The following CRYBB1 variants were observed in gnomAD, a reference collection of about 807,000 sequenced individuals.
The protein encoded by CRYBB1 is beta-crystallin B1.
In CRYBB1, 16 loss-of-function variants were observed where a neutral mutation model predicts 29.5. The observed-to-expected ratio is 0.54, with a 90% confidence interval of 0.37 to 0.82. The LOEUF (loss-of-function observed/expected upper bound fraction) is 0.82, where lower values mean the gene tolerates loss of function less well. Ranked by LOEUF, CRYBB1 falls within the 40% of genes least tolerant of loss-of-function variation. The pLI, the probability that CRYBB1 is intolerant of heterozygous loss-of-function variation, is 0.00. For synonymous variants in CRYBB1, 127 were observed against 136.7 expected, an observed-to-expected ratio of 0.93 and a Z score of 0.49; for missense variants, 300 against 350.5, an observed-to-expected ratio of 0.86 and a Z score of 1.15.
At chr22:26,602,125 C>G in intron 4 of CRYBB1, 104 bp from the exon 5 acceptor site, 1 of 1,457,768 alleles carries the variant, frequency 6.9e-7, no homozygotes, top group South Asian at 1.2e-5. Context: ...TGAGCCTGTT[C>G]AGGCTGCTGG....
Position 26,612,076 on chromosome 22 carries a change from C to T in CRYBB1, c.295G>A (p.Gly99Arg). The T allele has an allele frequency of 6.2e-7, 1 of 1,611,286 alleles. No individual in the cohort carries two copies. The highest frequency in any genetic ancestry group is 1.1e-5 in the South Asian group (1 of 91,002). The change falls in exon 3 of 6, where the codon GGA becomes AGA. Residue 99 changes from glycine to arginine, a missense_variant. Transcript: ENST00000647684. The stretch of plus-strand genomic sequence containing the variant: ...CCTCCGCCGCCCAGTACTCACGGTC[C>T]CGCGGAGACAATGATGCTGCGCACA... Reference protein sequence around the residue: ...DRVRSIIVSAGPWVAFEQSNF... With the variant: ...DRVRSIIVSARPWVAFEQSNF...
At position 26,599,562 on chromosome 22, in the gene CRYBB1, C is replaced by T. The variant is rs773958636; in HGVS notation, c.687G>A (p.Leu229=). The T allele has an allele frequency of 6.2e-7, 1 of 1,614,106 alleles. No homozygotes were observed. The highest frequency in any genetic ancestry group is 8.5e-7 in the Non-Finnish European group (1 of 1,180,052). ...GCCACTGCTTGTCACGCAGGCGACG[C>T]AGGGACTGCATCTGTGGCTGGAAGG... ...WGAFQPQMQS[L]RRLRDKQWHL... The change falls in exon 6 of 6, where the codon CTG becomes CTA. Residue 229 remains leucine (L), a synonymous_variant. Coordinates refer to ENST00000647684, the MANE Select transcript of CRYBB1 (RefSeq NM_001887.4).
At chr22:26,609,410 A>ATGGG (rs1361986356) in intron 3 of CRYBB1, among the ~76,000 whole-genome samples, 3 of 151,956 alleles carry the variant, frequency 2.0e-5, no homozygotes, top group Non-Finnish European at 4.4e-5. Flanking sequence ...GGGTGGATGG[A>ATGGG]TGGGTGGATG....
At chr22:26,603,043 TGAACCCA>T (rs1431729563) in intron 4 of CRYBB1, among the ~76,000 whole-genome samples, 1 of 145,418 alleles carries the variant, frequency 6.9e-6, no homozygotes, top group Admixed American at 7.2e-5. Flanking sequence ...GAGAATGGCG[TGAACCCA>T]GGAGGCAGAG....
intron 3 of CRYBB1, among the ~76,000 whole-genome samples, chr22:26,608,223 C>A (rs1929046623): frequency 6.6e-6 from 1 of 152,038 alleles, no homozygotes; most frequent in Non-Finnish European, 1.5e-5. Flanking sequence ...CTTTACCTCT[C>A]TGAGCCTTTG....
intron 2 of CRYBB1, among the ~76,000 whole-genome samples, chr22:26,614,632 T>C (rs1929284614): frequency 6.6e-6 from 1 of 152,154 alleles, no homozygotes; most frequent in African/African-American, 2.4e-5. Flanking sequence ...ATTAGGGATC[T>C]CATAGTAAGT....
At chr22:26,610,179 G>T (rs2267102) in intron 3 of CRYBB1, among the ~76,000 whole-genome samples, 1 of 151,966 alleles carries the variant, frequency 6.6e-6, no homozygotes, top group South Asian at 2.1e-4. Context: ...AGGGAGAGAG[G>T]GTAGGGCAGG....
intron 4 of CRYBB1, among the ~76,000 whole-genome samples, chr22:26,605,266 T>C (rs1258559636): frequency 6.6e-6 from 1 of 152,220 alleles, no homozygotes; most frequent in Non-Finnish European, 1.5e-5. Context: ...TGGATTTTTA[T>C]GATTAGCTTT....
rs756205214 is a variant in CRYBB1 at position 26,600,401 on chromosome 22, CA to C, written c.576-729del. Among the ~76,000 whole-genome samples, 444 of 139,638 alleles carry C rather than the reference CA, an allele frequency of 3.2e-3. 1 individual carries two copies. Among genetic ancestry groups the C allele is most frequent in the African/African-American group, 5.8e-3 (219 of 38,056 alleles). The allele number at this position is 139,638 out of a possible 152,430, so 91.6% of individuals were successfully genotyped here. On this transcript the variant is annotated intron_variant, in intron 5 of 5. Coordinates refer to ENST00000647684, the MANE Select transcript of CRYBB1 (RefSeq NM_001887.4). ...TGAGGGACAGAGCGAGACTCCATCT[CA>C]AAAAAAAAAAAATTGGTTTTCTTTG... is the stretch of plus-strand genomic sequence containing the variant.
At chr22:26,604,184 C>A (rs906248119) in intron 4 of CRYBB1, among the ~76,000 whole-genome samples, 1 of 152,194 alleles carries the variant, frequency 6.6e-6, no homozygotes, top group African/African-American at 2.4e-5. Flanking sequence ...AACCCACAGA[C>A]CTTGGTTCAA....
chr22:26,616,204 A>C lies in CRYBB1; in HGVS notation c.116T>G (p.Leu39Arg). The change falls in exon 2 of 6, where the codon CTG becomes CGG. Residue 39 changes from leucine to arginine, a missense_variant. Coordinates refer to ENST00000647684, the MANE Select transcript of CRYBB1 (RefSeq NM_001887.4). The stretch of plus-strand genomic sequence containing the variant: ...GGTAATAGGCACGGTTGTTGGGGCC[A>C]GGGTAGTGCCGGGACTAGGGGATGT... ...AGTSPSPGTT[L>R]APTTVPITSA... 1 of 1,613,782 alleles carries C rather than the reference A, an allele frequency of 6.2e-7. No homozygotes were observed. Among genetic ancestry groups the C allele is most frequent in the Non-Finnish European group, 8.5e-7 (1 of 1,179,804 alleles).
At chr22:26,603,539 A>G (rs1194457466) in intron 4 of CRYBB1, among the ~76,000 whole-genome samples, 1 of 151,566 alleles carries the variant, frequency 6.6e-6, no homozygotes, top group Non-Finnish European at 1.5e-5. Flanking sequence ...AACAACAACA[A>G]CAAAAAAGAA....
In CRYBB1 at chr22:26,601,997, G is replaced by C. The variant is rs761803355; in HGVS notation, c.457C>G (p.Leu153Val). The C allele has an allele frequency of 1.2e-6, 2 of 1,613,888 alleles. No individual in the cohort carries two copies. Among genetic ancestry groups the C allele is most frequent in the Middle Eastern group, 1.7e-4 (1 of 5,994 alleles). Residue 153 changes from leucine to valine, a missense_variant, in exon 5 of 6, where the codon CTG becomes GTG. Physicochemically the swap from Leu to Val is conservative, Grantham distance 32 (BLOSUM62 1). Transcript: ENST00000647684. ...CCCTTGAAGTTGGCCCCTTCAAACA[G>C]GGAGATTTTGTGCTCCTGGGCATCC... ...KMDAQEHKIS[L>V]FEGANFKGNT...
chr22:26,604,077 A>G (rs900105380), intron 4 of CRYBB1, among the ~76,000 whole-genome samples: 1 of 152,220 alleles, frequency 6.6e-6, no homozygotes, highest in Non-Finnish European at 1.5e-5. Flanking sequence ...CATCTTTTCA[A>G]AAGTCATCAT....
At chr22:26,600,458 G>A (rs1323314418) in intron 5 of CRYBB1, among the ~76,000 whole-genome samples, 6 of 152,262 alleles carry the variant, frequency 3.9e-5, no homozygotes, top group African/African-American at 2.4e-5. Flanking sequence ...TAGCAGCTGG[G>A]AACACATACT....
At chr22:26,605,858 A>C (rs959645245) in intron 4 of CRYBB1, among the ~76,000 whole-genome samples, 7 of 151,924 alleles carry the variant, frequency 4.6e-5, no homozygotes, top group Admixed American at 4.6e-4. Context: ...CAGGTCAGAG[A>C]TGATGGTGGC....
At chr22:26,614,529 C>A (rs1473060133) in intron 2 of CRYBB1, among the ~76,000 whole-genome samples, 1 of 152,142 alleles carries the variant, frequency 6.6e-6, no homozygotes, top group Non-Finnish European at 1.5e-5. Flanking sequence ...CCACTGAAAT[C>A]GTGCTTAGCA....
chr22:26,601,274 TG>T (rs1377537809), intron 5 of CRYBB1, among the ~76,000 whole-genome samples: 1 of 152,126 alleles, frequency 6.6e-6, no homozygotes, highest in African/African-American at 2.4e-5. Flanking sequence ...GGCCCTTCCA[TG>T]TATTCTCATG....
intron 3 of CRYBB1, among the ~76,000 whole-genome samples, chr22:26,610,702 T>C (rs1004308617): frequency 1.3e-5 from 2 of 152,140 alleles, no homozygotes; most frequent in Admixed American, 6.5e-5. Flanking sequence ...TCACCTGCCA[T>C]GTTTGGGTGC....
Sources: allele counts gnomAD v4.1 joint callset (sites outside exome capture counted in the v4.1 genomes callset), GRCh38; gene constraint gnomAD v4.1.1; transcripts MANE v1.5; gene names NCBI Gene and HGNC (gene_info 2026-07-23, HGNC 2026-07-21).